The following ANKS1B variants were observed in gnomAD, a reference collection of about 807,000 sequenced individuals.
The protein encoded by ANKS1B is ankyrin repeat and sterile alpha motif domain-containing protein 1B.
ANKS1B carries 36 observed loss-of-function variants against 148.3 expected under a neutral mutation model. The observed-to-expected ratio is 0.24, with a 90% CI of 0.19 to 0.32. The LOEUF is 0.32. ANKS1B is among the 10% of genes least tolerant of loss of function. The pLI is 1.00. For missense variants in ANKS1B, 1,157 were observed against 1,542.6 expected (o/e 0.75, Z 4.19); for synonymous variants, 542 against 560.8 (o/e 0.97, Z 0.47).
chr12:99,433,747 C>T (rs1162373272), intron 11 of ANKS1B, among the ~76,000 whole-genome samples: 1 of 152,070 alleles, frequency 6.6e-6, no homozygotes, highest in African/African-American at 2.4e-5. Context: ...ATAATCAGCA[C>T]ATAAACAGCA....
intron 10 of ANKS1B, among the ~76,000 whole-genome samples, chr12:99,483,814 T>C (rs1030800408): frequency 6.6e-6 from 1 of 152,014 alleles, no homozygotes; most frequent in Non-Finnish European, 1.5e-5. Context: ...CATCCAATGA[T>C]CTTTTGTATT....
At chr12:99,079,355 C>T (rs1313041650) in intron 16 of ANKS1B, among the ~76,000 whole-genome samples, 1 of 152,008 alleles carries the variant, frequency 6.6e-6, no homozygotes, top group Non-Finnish European at 1.5e-5. Context: ...GTAATTTAAT[C>T]CATTCATTCA....
chr12:99,092,490 A>AC (rs59704665), intron 15 of ANKS1B, among the ~76,000 whole-genome samples: 1 of 142,774 alleles, frequency 7.0e-6, no homozygotes, highest in African/African-American at 2.5e-5. Context: ...AAAAAAAAAA[A>AC]CTTCCTTGGG....
chr12:99,408,953 C>T (rs755538383), intron 11 of ANKS1B, among the ~76,000 whole-genome samples: 1 of 111,950 alleles, frequency 8.9e-6, no homozygotes, highest in African/African-American at 3.8e-5. Context: ...TTTGGAGGTT[C>T]CTTAAATAAC....
chr12:99,831,856 C>A (rs1322104028), intron 1 of ANKS1B, among the ~76,000 whole-genome samples: 1 of 152,064 alleles, frequency 6.6e-6, no homozygotes, highest in Non-Finnish European at 1.5e-5. Context: ...ACAGATATCA[C>A]TATTCTTTAA....
Position 99,429,142 on chromosome 12 carries a change from G to GAAACAAAC in ANKS1B, c.1575+14523_1575+14530dup, listed in dbSNP as rs373490843. ...ACAAATGTATACACATTTCAGAAGAGAAACAAACAAACAAACAAACAAACA... is the reference window on the plus strand; with the variant it reads ...ACAAATGTATACACATTTCAGAAGAGAAACAAACAAACAAACAAACAAACAAACAAACA... On this transcript the variant is annotated intron_variant, in intron 11 of 26. Transcript: ENST00000683438. Among the ~76,000 whole-genome samples, 436 of 151,998 alleles carry GAAACAAAC rather than the reference G, an allele frequency of 2.9e-3. 1 individual carries two copies. The highest frequency in any genetic ancestry group is 9.2e-3 in the African/African-American group (381 of 41,448).
intron 5 of ANKS1B, among the ~76,000 whole-genome samples, chr12:99,780,746 A>G (rs925346558): frequency 3.3e-5 from 5 of 152,226 alleles, no homozygotes; most frequent in African/African-American, 9.6e-5. Context: ...ATCATGTACC[A>G]TGTAAGTAAC....
At position 99,413,961 on chromosome 12, in the gene ANKS1B, G is replaced by A. The variant is rs1171005092; in HGVS notation, c.1576-14150C>T. On this transcript the variant is annotated intron_variant, in intron 11 of 26. Transcript: ENST00000683438. ...ACACACCCTGACCGAGGCCCTGAGAGTTCCAGGTTCCTGCACCTGCCTTTC... is the reference window on the plus strand; with the variant it reads ...ACACACCCTGACCGAGGCCCTGAGAATTCCAGGTTCCTGCACCTGCCTTTC... 2.0e-5 allele frequency among the ~76,000 whole-genome samples: 3 copies of A among 152,064 alleles called. No individual in the cohort carries two copies. The East Asian group carries it at 5.8e-4, about 29-fold the overall frequency.
intron 1 of ANKS1B, among the ~76,000 whole-genome samples, chr12:99,956,890 T>C (rs952344168): frequency 2.6e-5 from 4 of 152,230 alleles, no homozygotes; most frequent in African/African-American, 9.6e-5. Context: ...AGACTGACTT[T>C]TCCTCTGCAT....
intron 9 of ANKS1B, among the ~76,000 whole-genome samples, chr12:99,523,649 G>A (rs1366867965): frequency 1.3e-5 from 2 of 151,424 alleles, no homozygotes; most frequent in Non-Finnish European, 2.9e-5. Context: ...CGCCTCCTGG[G>A]TTTACACAAT....
At chr12:99,678,834 AC>A (rs1325776802) in intron 8 of ANKS1B, among the ~76,000 whole-genome samples, 2 of 152,224 alleles carry the variant, frequency 1.3e-5, no homozygotes, top group Non-Finnish European at 2.9e-5. Flanking sequence ...ATAAGGATCA[AC>A]AAACCATTTT....
intron 12 of ANKS1B, among the ~76,000 whole-genome samples, chr12:99,327,438 T>C (rs1242921961): frequency 7.4e-6 from 1 of 134,982 alleles, no homozygotes; most frequent in Non-Finnish European, 1.5e-5. Context: ...CTATAAATTA[T>C]ATATTATATA....
At chr12:99,405,870 A>G (rs2094519836) in intron 11 of ANKS1B, among the ~76,000 whole-genome samples, 1 of 145,674 alleles carries the variant, frequency 6.9e-6, no homozygotes, top group African/African-American at 2.6e-5. Context: ...AATAAAAATC[A>G]AAAAAGAGCA....
At chr12:98,771,933 G>A (rs1268313951) in intron 25 of ANKS1B, among the ~76,000 whole-genome samples, 2 of 152,158 alleles carry the variant, frequency 1.3e-5, no homozygotes, top group African/African-American at 2.4e-5. Context: ...ATGGCTACTA[G>A]AGAAACTGAC....
chr12:99,849,893 C>T (rs1329757108), intron 1 of ANKS1B, among the ~76,000 whole-genome samples: 1 of 152,012 alleles, frequency 6.6e-6, no homozygotes, highest in Non-Finnish European at 1.5e-5. Context: ...ATTCTGGATA[C>T]ATAGATGTAA....
intron 17 of ANKS1B, among the ~76,000 whole-genome samples, chr12:98,918,922 T>C (rs1248991658): frequency 2.6e-5 from 4 of 152,230 alleles, no homozygotes; most frequent in African/African-American, 9.6e-5. Context: ...CTTATTGATG[T>C]ATGAGAAATC....
chr12:99,141,799 T>G (rs556606918), intron 15 of ANKS1B, among the ~76,000 whole-genome samples: 3 of 152,138 alleles, frequency 2.0e-5, no homozygotes, highest in African/African-American at 7.2e-5. Context: ...ATGGAGTATA[T>G]GTACTACATT....
chr12:99,154,984 A>T lies in ANKS1B; in HGVS notation c.2420-589T>A, dbSNP rs750044770. ...CTCCTACACACCCATCCAAGCGTCAATCTTGAATGATGAGAGCAGTCAAAA... is the reference window on the plus strand; with the variant it reads ...CTCCTACACACCCATCCAAGCGTCATTCTTGAATGATGAGAGCAGTCAAAA... On this transcript the variant is annotated intron_variant, in intron 14 of 26. Coordinates refer to ENST00000683438, the MANE Select transcript of ANKS1B (RefSeq NM_001352186.2). The T allele has an allele frequency of 1.1e-5, 17 of 1,535,342 alleles. No individual in the cohort carries two copies. The African/African-American group carries it at 2.3e-4, about 21-fold the overall frequency.
intron 17 of ANKS1B, among the ~76,000 whole-genome samples, chr12:98,853,440 A>G (rs2099543259): frequency 6.6e-6 from 1 of 152,044 alleles, no homozygotes; most frequent in African/African-American, 2.4e-5. Context: ...GGCCCATCAC[A>G]ACGTAAGCAT....
Sources: gnomAD v4.1 joint callset for allele counts (sites outside exome capture counted in the v4.1 genomes callset) on GRCh38, gnomAD v4.1.1 for gene constraint, MANE v1.5 for transcripts, NCBI Gene and HGNC (gene_info 2026-07-23, HGNC 2026-07-21) for gene names.